The following ADRA1D variants were observed in gnomAD, a reference collection of about 807,000 sequenced individuals.
The protein encoded by ADRA1D is alpha-1D adrenergic receptor.
ADRA1D carries 22 observed loss-of-function variants against 18.6 expected under a neutral mutation model. That is an observed-to-expected ratio of 1.19 (90% CI 0.85 to 1.69). The LOEUF (loss-of-function observed/expected upper bound fraction) is 1.69. Among genes scored for constraint, ADRA1D ranks in the 40% most tolerant of loss-of-function variants. ADRA1D has a pLI of 0.00. For missense variants in ADRA1D, 840 were observed against 840.7 expected (o/e 1.00, Z 0.01); for synonymous variants, 376 against 388.2 (o/e 0.97, Z 0.37).
chr20:4,248,236 G>A lies in ADRA1D; in HGVS notation c.722C>T (p.Pro241Leu), dbSNP rs375855060. 2.8e-4 allele frequency: 450 copies of A among 1,604,012 alleles called. No homozygotes were observed. The highest frequency in any genetic ancestry group is 3.7e-4 in the Non-Finnish European group (436 of 1,175,662). The change falls in exon 1 of 2, where the codon CCT becomes CTT. Residue 241 changes from proline to leucine, a missense_variant. Physicochemically the swap from Pro to Leu is moderately conservative, Grantham distance 98 (BLOSUM62 -3). Transcript: ENST00000379453. ...PLLGWKEPVP[P>L]DERFCGITEE... is the part of the protein sequence containing the mutation. ...GGTGATACCGCAGAAGCGCTCGTCAGGGGGCACGGGCTCCTTCCAGCCCAG... is the reference window on the plus strand; with the variant it reads ...GGTGATACCGCAGAAGCGCTCGTCAAGGGGCACGGGCTCCTTCCAGCCCAG...
In ADRA1D at chr20:4,248,571, G is replaced by T; in HGVS notation, c.387C>A (p.Thr129=). The T allele has an allele frequency of 6.2e-7, 1 of 1,613,796 alleles. No homozygotes were observed. The highest frequency in any genetic ancestry group is 1.6e-4 in the Middle Eastern group (1 of 6,062). The change falls in exon 1 of 2, where the codon ACC becomes ACA. Residue 129 remains threonine (T), a synonymous_variant. Coordinates refer to ENST00000379453, the MANE Select transcript of ADRA1D (RefSeq NM_000678.4). The stretch of plus-strand genomic sequence containing the variant: ...GGTTCACGATGAAATAGTTGGTGAC[G>T]GTCTGCAGGTGGCGGTTGCAGGCCA... ...LSVACNRHLQ[T]VTNYFIVNLA... is the part of the protein sequence containing the mutation.
At chr20:4,223,123 A>G (rs181394127) in intron 1 of ADRA1D, among the ~76,000 whole-genome samples, 3 of 152,054 alleles carry the variant, frequency 2.0e-5, no homozygotes, top group African/African-American at 7.2e-5. Context: ...CCACAGAGTC[A>G]ATTTATTTTT....
intron 1 of ADRA1D, among the ~76,000 whole-genome samples, chr20:4,244,210 T>A (rs1981281134): frequency 6.6e-6 from 1 of 152,184 alleles, no homozygotes; most frequent in Admixed American, 6.5e-5. Flanking sequence ...GCACCCCAGG[T>A]CTGCTGTGGC....
At chr20:4,232,785 C>T (rs770584673) in intron 1 of ADRA1D, among the ~76,000 whole-genome samples, 5 of 152,214 alleles carry the variant, frequency 3.3e-5, no homozygotes, top group East Asian at 1.9e-4. Context: ...GGGTCCATGA[C>T]ACCTGCTTCC....
chr20:4,221,998 C>T lies in ADRA1D; in HGVS notation c.1244G>A (p.Arg415His), dbSNP rs1461124562. The T allele has an allele frequency of 3.8e-6, 6 of 1,587,276 alleles. No individual in the cohort carries two copies. In the Admixed American group the frequency reaches 8.9e-5, roughly 24 times the overall value. Residue 415 changes from arginine (R) to histidine (H), a missense_variant, in exon 2 of 2, where the codon CGT (arginine) becomes CAT (histidine). Coordinates refer to ENST00000379453, the MANE Select transcript of ADRA1D (RefSeq NM_000678.4). The part of the protein sequence containing the change: ...SSREFKRAFL[R>H]LLRCQCRRRR... ...ACGACGGCACTGGCAGCGCAGGAGACGGAGGAAGGCGCGCTTGAACTCGCG... is the reference window on the plus strand; with the variant it reads ...ACGACGGCACTGGCAGCGCAGGAGATGGAGGAAGGCGCGCTTGAACTCGCG...
intron 1 of ADRA1D, among the ~76,000 whole-genome samples, chr20:4,246,557 CGGCAGAGAGGGGGAG>C (rs974165958): frequency 1.1e-4 from 16 of 151,998 alleles, no homozygotes; most frequent in Middle Eastern, 3.4e-3. Context: ...AAGACCGTGA[CGGCAGAGAGGGGGAG>C]GGCAGAGAGG....
At chr20:4,241,843 C>T (rs375526655) in intron 1 of ADRA1D, among the ~76,000 whole-genome samples, 2 of 152,254 alleles carry the variant, frequency 1.3e-5, no homozygotes, top group East Asian at 3.8e-4. Context: ...AATTACTAAG[C>T]AGGGCTCACA....
intron 1 of ADRA1D, among the ~76,000 whole-genome samples, chr20:4,231,071 TCTCTCTCTC>T: frequency 1.1e-5 from 1 of 94,216 alleles, no homozygotes; most frequent in African/African-American, 4.4e-5. Flanking sequence ...TCTTTCTCTC[TCTCTCTCTC>T]TCTTTTCTTT....
chr20:4,248,011 T>TCGGCGCC lies in ADRA1D; in HGVS notation c.940_946dup (p.Asp316GlyfsTer30). The TCGGCGCC allele has an allele frequency of 2.6e-6, 4 of 1,558,158 alleles. No homozygotes were observed. The highest frequency in any genetic ancestry group is 3.5e-6 in the Non-Finnish European group (4 of 1,152,258). On this transcript the variant is annotated frameshift_variant, in exon 1 of 2. Transcript: ENST00000379453. LOFTEE classifies it high-confidence loss of function. ...GGCGCTGCGCATGCCGTGCGCCCCG[T>TCGGCGCC]CGGCGCCCGTGGCCGCGCCGCGACA...
At chr20:4,230,226 C>T (rs979645745) in intron 1 of ADRA1D, among the ~76,000 whole-genome samples, 1 of 152,212 alleles carries the variant, frequency 6.6e-6, no homozygotes, top group African/African-American at 2.4e-5. Context: ...CTATTTGAGT[C>T]ATGATGCATT....
At chr20:4,240,063 C>T (rs971012381) in intron 1 of ADRA1D, among the ~76,000 whole-genome samples, 1 of 152,122 alleles carries the variant, frequency 6.6e-6, no homozygotes, top group Non-Finnish European at 1.5e-5. Context: ...AATCTTGACA[C>T]CACAGAAAAG....
chr20:4,247,957 G>A lies in ADRA1D; in HGVS notation c.1001C>T (p.Ser334Phe). 4 of 1,594,320 alleles carry A rather than the reference G, an allele frequency of 2.5e-6. No individual in the cohort carries two copies. The highest frequency in any genetic ancestry group is 3.4e-6 in the Non-Finnish European group (4 of 1,170,990). Reference protein sequence around the residue: ...AKGHTFRSSLSVRLLKFSREK... With the variant: ...AKGHTFRSSLFVRLLKFSREK... ...ACGGGAGAACTTGAGCAGGCGCACG[G>A]AGAGCGAGCTGCGGAAGGTGTGGCC... is the stretch of plus-strand genomic sequence containing the variant. The change falls in exon 1 of 2, where the codon TCC (serine) becomes TTC (phenylalanine). Residue 334 changes from serine (S) to phenylalanine (F), a missense_variant. Coordinates refer to ENST00000379453, the MANE Select transcript of ADRA1D (RefSeq NM_000678.4).
At chr20:4,227,832 C>G (rs1034465724) in intron 1 of ADRA1D, among the ~76,000 whole-genome samples, 1 of 151,296 alleles carries the variant, frequency 6.6e-6, no homozygotes, top group South Asian at 2.1e-4. Flanking sequence ...GTCTTGAACT[C>G]CTGACCTCAG....
At position 4,222,123 on chromosome 20, in the gene ADRA1D, C is replaced by G; in HGVS notation, c.1119G>C (p.Leu373Phe). 1 of 1,612,404 alleles carries G rather than the reference C, an allele frequency of 6.2e-7. No homozygotes were observed. The highest frequency in any genetic ancestry group is 8.5e-7 in the Non-Finnish European group (1 of 1,179,356). The change falls in exon 2 of 2, where the codon TTG becomes TTC. Residue 373 changes from leucine to phenylalanine, a missense_variant. Leu to Phe is a conservative substitution (Grantham distance 22). Coordinates refer to ENST00000379453, the MANE Select transcript of ADRA1D (RefSeq NM_000678.4). This position sits in a 1 kb window ranked among gnomAD's most constrained non-coding sequence, Gnocchi z 4.3. ...PFFFVLPLGS[L>F]FPQLKPSEGV... is the part of the protein sequence containing the mutation. The stretch of plus-strand genomic sequence containing the variant: ...CCTCCGATGGCTTCAGCTGCGGGAA[C>G]AAGGAGCCTGTAGGGAGCAGAGACC...
At position 4,232,065 on chromosome 20, in the gene ADRA1D, A is replaced by G. The variant is rs1215989409; in HGVS notation, c.1112-9935T>C. Among the ~76,000 whole-genome samples the G allele has an allele frequency of 2.0e-5, 3 of 152,028 alleles. No individual in the cohort carries two copies. In the East Asian group the frequency reaches 5.8e-4, roughly 29 times the overall value. On this transcript the variant is annotated intron_variant, in intron 1 of 1. Transcript: ENST00000379453. ...GTAGCTGGGAATACAGGCGCCCACA[A>G]CCACGCCTGGCTAATTTTCTGTATT...
intron 1 of ADRA1D, among the ~76,000 whole-genome samples, chr20:4,224,106 C>G (rs1408648639): frequency 2.0e-5 from 3 of 152,156 alleles, no homozygotes; most frequent in Non-Finnish European, 2.9e-5. Context: ...CTCAGAAAAT[C>G]TCTTTTGGGA....
chr20:4,245,690 C>CG (rs1981320261), intron 1 of ADRA1D, among the ~76,000 whole-genome samples: 1 of 152,026 alleles, frequency 6.6e-6, no homozygotes, highest in Non-Finnish European at 1.5e-5. Context: ...GCGTTCCCTA[C>CG]AGGGGCCCAG....
chr20:4,234,244 T>C (rs1004187569), intron 1 of ADRA1D, among the ~76,000 whole-genome samples: 4 of 152,210 alleles, frequency 2.6e-5, no homozygotes, highest in African/African-American at 4.8e-5. Context: ...GGGAGGGACA[T>C]GGCTGGAGCT....
At position 4,248,298 on chromosome 20, in the gene ADRA1D, G is replaced by C. The variant is rs1981395962; in HGVS notation, c.660C>G (p.Leu220=). 8 of 1,608,160 alleles carry C rather than the reference G, an allele frequency of 5.0e-6. No homozygotes were observed. The African/African-American group carries it at 5.3e-5, about 11-fold the overall frequency. Residue 220 remains leucine, a synonymous_variant, in exon 1 of 2, where the codon CTC becomes CTG. Transcript: ENST00000379453. ...CGGACACCACCAGGGCTACGACCCA[G>C]AGCAGGGCCAGGATGGCGGCCGCCT... is the stretch of plus-strand genomic sequence containing the variant. ...ERKAAAILAL[L]WVVALVVSVG...
Sources: allele counts gnomAD v4.1 joint callset (sites outside exome capture counted in the v4.1 genomes callset), GRCh38; gene constraint gnomAD v4.1.1; non-coding constraint Gnocchi (gnomAD v3.1); transcripts MANE v1.5; gene names NCBI Gene and HGNC (gene_info 2026-07-23, HGNC 2026-07-21).